SOX6: variants seen among roughly 807,000 people sequenced by gnomAD.
The protein encoded by SOX6 is transcription factor SOX-6.
In SOX6, 11 loss-of-function variants were observed where a neutral mutation model predicts 97.8. The observed-to-expected ratio is 0.11, with a 90% CI of 0.07 to 0.19. SOX6 has a LOEUF of 0.19. Among genes scored for constraint, SOX6 ranks in the 10% least tolerant of loss-of-function variants. The pLI is 1.00. For missense variants in SOX6, 810 were observed against 1,039.5 expected (o/e 0.78, Z 3.04); for synonymous variants, 360 against 371.4 (o/e 0.97, Z 0.35).
At chr11:16,737,471 C>T (rs1848400681) in intron 1 of SOX6, among the ~76,000 whole-genome samples, 1 of 151,464 alleles carries the variant, frequency 6.6e-6, no homozygotes. Context: ...TCCCAAAATG[C>T]TGGGGATTAC....
chr11:16,034,215 G>T (rs1320547869), intron 12 of SOX6, among the ~76,000 whole-genome samples: 2 of 152,194 alleles, frequency 1.3e-5, no homozygotes, highest in African/African-American at 2.4e-5. Context: ...GATCTCCTTT[G>T]TTGAGAACTA....
chr11:16,278,845 G>A (rs1423624172), intron 3 of SOX6, among the ~76,000 whole-genome samples: 2 of 151,864 alleles, frequency 1.3e-5, no homozygotes, highest in Admixed American at 6.6e-5. Flanking sequence ...AAATTCAGAG[G>A]GCTTCAAAAA....
intron 6 of SOX6, among the ~76,000 whole-genome samples, chr11:16,120,763 C>T (rs1359435705): frequency 6.6e-6 from 1 of 152,040 alleles, no homozygotes; most frequent in Non-Finnish European, 1.5e-5. Context: ...TTACTATGTC[C>T]TTGCCCAACT....
chr11:16,163,333 C>G (rs1850803021), intron 6 of SOX6, among the ~76,000 whole-genome samples: 1 of 152,022 alleles, frequency 6.6e-6, no homozygotes, highest in Non-Finnish European at 1.5e-5. Context: ...TCTCAAGGTC[C>G]CTTTCACCCA....
intron 3 of SOX6, among the ~76,000 whole-genome samples, chr11:16,244,268 T>C (rs944403374): frequency 1.3e-5 from 2 of 151,864 alleles, no homozygotes; most frequent in African/African-American, 4.8e-5. Flanking sequence ...ATGACTAAGA[T>C]ATTGAGCATA....
At chr11:16,019,334 T>G (rs1854983361) in intron 12 of SOX6, among the ~76,000 whole-genome samples, 2 of 152,142 alleles carry the variant, frequency 1.3e-5, no homozygotes, top group African/African-American at 4.8e-5. Flanking sequence ...ATGGTCTGAA[T>G]GAGAGGTACT....
upstream of SOX6, among the ~76,000 whole-genome samples, chr11:16,477,518 A>C (rs1403041911): frequency 6.6e-6 from 1 of 152,142 alleles, no homozygotes; most frequent in East Asian, 1.9e-4. Flanking sequence ...CTTTTACCTA[A>C]ATGATCCAGG....
intron 4 of SOX6, among the ~76,000 whole-genome samples, chr11:16,570,738 A>C (rs1277954608): frequency 6.6e-6 from 1 of 152,202 alleles, no homozygotes; most frequent in Non-Finnish European, 1.5e-5. Context: ...TTAGTCTCTC[A>C]GTCCTTCAGT....
chr11:16,580,735 AACT>A (rs1287040492), intron 4 of SOX6, among the ~76,000 whole-genome samples: 1 of 152,224 alleles, frequency 6.6e-6, no homozygotes, highest in African/African-American at 2.4e-5. Flanking sequence ...ATCTACAAGG[AACT>A]TAAACAAATT....
At chr11:16,703,550 T>C (rs1324765702) in intron 3 of SOX6, among the ~76,000 whole-genome samples, 1 of 152,150 alleles carries the variant, frequency 6.6e-6, no homozygotes, top group Non-Finnish European at 1.5e-5. Context: ...TTCATAATAA[T>C]ATAAACTAGA....
chr11:16,531,815 C>T (rs997341186), intron 4 of SOX6, among the ~76,000 whole-genome samples: 1 of 151,912 alleles, frequency 6.6e-6, no homozygotes, highest in Admixed American at 6.6e-5. Flanking sequence ...TATACAATAA[C>T]AAAACCTGGT....
At chr11:16,437,793 T>C (rs959827140) in intron 1 of SOX6, among the ~76,000 whole-genome samples, 1 of 152,208 alleles carries the variant, frequency 6.6e-6, no homozygotes, top group Non-Finnish European at 1.5e-5. Context: ...TCCTCATGTA[T>C]AAAACTGGGA....
At chr11:16,507,949 C>T (rs1393166558) in intron 4 of SOX6, among the ~76,000 whole-genome samples, 11 of 151,794 alleles carry the variant, frequency 7.2e-5, no homozygotes, top group Non-Finnish European at 1.2e-4. Flanking sequence ...AGAGACAATA[C>T]GTGGAATGGG....
chr11:16,162,533 G>A (rs1167730521), intron 6 of SOX6, among the ~76,000 whole-genome samples: 2 of 152,048 alleles, frequency 1.3e-5, no homozygotes, highest in Admixed American at 1.3e-4. Flanking sequence ...AAAGTGTGTG[G>A]CATCTCCCCC....
At chr11:16,182,678 G>A (rs542203466) in intron 6 of SOX6, among the ~76,000 whole-genome samples, 1 of 151,776 alleles carries the variant, frequency 6.6e-6, no homozygotes, top group African/African-American at 2.4e-5. Context: ...TACTGAATAC[G>A]ACAAAAACCA....
chr11:16,211,618 TG>T (rs1852236489), intron 4 of SOX6, among the ~76,000 whole-genome samples: 2 of 152,188 alleles, frequency 1.3e-5, no homozygotes, highest in South Asian at 4.2e-4. Context: ...AGAATGTAGT[TG>T]TATGAAGAGG....
At chr11:16,250,299 T>C (rs1000173936) in intron 3 of SOX6, among the ~76,000 whole-genome samples, 2 of 150,846 alleles carry the variant, frequency 1.3e-5, no homozygotes, top group African/African-American at 4.9e-5. Flanking sequence ...TTTTTTAGAA[T>C]AATAGAATAT....
intron 1 of SOX6, among the ~76,000 whole-genome samples, chr11:16,388,273 C>T (rs112981815): frequency 6.6e-6 from 1 of 152,220 alleles, no homozygotes; most frequent in Non-Finnish European, 1.5e-5. Flanking sequence ...CTAAACCCTA[C>T]TTGGTCGTGA....
chr11:16,640,981 AG>A (rs1848901833), intron 3 of SOX6, among the ~76,000 whole-genome samples: 1 of 151,908 alleles, frequency 6.6e-6, no homozygotes, highest in Non-Finnish European at 1.5e-5. Flanking sequence ...TTGCTTCTCT[AG>A]TTCTTTTAAG....
Sources: gnomAD v4.1 joint callset for allele counts (sites outside exome capture counted in the v4.1 genomes callset) on GRCh38, gnomAD v4.1.1 for gene constraint, MANE v1.5 for transcripts, NCBI Gene and HGNC (gene_info 2026-07-23, HGNC 2026-07-21) for gene names.